The following RGS6 variants were observed in gnomAD, a reference collection of about 807,000 sequenced individuals.
RGS6 encodes regulator of G-protein signaling 6.
RGS6 carries 30 observed loss-of-function variants against 78.5 expected under a neutral mutation model. That is an observed-to-expected ratio of 0.38 (90% CI 0.29 to 0.52). The LOEUF is 0.52. Among genes scored for constraint, RGS6 ranks in the 20% least tolerant of loss-of-function variants. The pLI is 0.85. For synonymous variants in RGS6, 206 were observed against 206.0 expected (o/e 1.00, Z 0.00); for missense variants, 495 against 609.7 (o/e 0.81, Z 1.98).
chr14:72,200,252 C>T (rs1455847288), intron 2 of RGS6, among the ~76,000 whole-genome samples: 2 of 152,218 alleles, frequency 1.3e-5, no homozygotes, highest in South Asian at 2.1e-4. Context: ...ATTCAGGAGC[C>T]CCACCTGCCA....
intron 3 of RGS6, among the ~76,000 whole-genome samples, chr14:72,390,945 G>C (rs188289830): frequency 6.6e-6 from 1 of 152,274 alleles, no homozygotes; most frequent in Non-Finnish European, 1.5e-5. Flanking sequence ...CCACAGGTAA[G>C]CACCAGTCTA....
the RGS6 span, among the ~76,000 whole-genome samples, chr14:72,587,324 G>C: frequency 6.6e-6 from 1 of 152,062 alleles, no homozygotes; most frequent in Non-Finnish European, 1.5e-5. Flanking sequence ...GTGTGAGATG[G>C]CAGCCATATA....
At chr14:72,622,678 C>T in the RGS6 span, among the ~76,000 whole-genome samples, 76 of 152,134 alleles carry the variant, frequency 5.0e-4, 1 homozygote, top group African/African-American at 1.7e-3. Flanking sequence ...CCAAGAGCCC[C>T]CAGCTTATGC....
At chr14:72,430,795 TCCCAAATGCTGATCA>T (rs1205245234) in intron 3 of RGS6, among the ~76,000 whole-genome samples, 1 of 152,154 alleles carries the variant, frequency 6.6e-6, no homozygotes, top group Non-Finnish European at 1.5e-5. Flanking sequence ...TTATCTTGCC[TCCCAAATGCTGATCA>T]CCCATGGGCA....
intron 2 of RGS6, among the ~76,000 whole-genome samples, chr14:72,349,635 C>T (rs920156233): frequency 2.0e-5 from 3 of 151,394 alleles, no homozygotes; most frequent in Non-Finnish European, 4.4e-5. Flanking sequence ...TAGCTGTAAC[C>T]CCTGATGAGT....
intron 15 of RGS6, among the ~76,000 whole-genome samples, chr14:72,534,800 A>G (rs1016161750): frequency 1.3e-5 from 2 of 152,174 alleles, no homozygotes; most frequent in Non-Finnish European, 2.9e-5. Context: ...GCACCAAGGA[A>G]GAGGTCCTTA....
chr14:72,171,896 T>G (rs1162425261), intron 2 of RGS6, among the ~76,000 whole-genome samples: 3 of 152,178 alleles, frequency 2.0e-5, no homozygotes, highest in Non-Finnish European at 2.9e-5. Flanking sequence ...ACACAGAAAT[T>G]AAGTAACTTG....
intron 2 of RGS6, among the ~76,000 whole-genome samples, chr14:72,258,719 C>T (rs1003102356): frequency 4.1e-4 from 62 of 152,280 alleles, no homozygotes; most frequent in African/African-American, 1.4e-3. Flanking sequence ...GTCTGTTTCA[C>T]AGGGCTTGTT....
At chr14:72,108,592 G>A (rs2095684459) in intron 2 of RGS6, among the ~76,000 whole-genome samples, 1 of 151,714 alleles carries the variant, frequency 6.6e-6, no homozygotes, top group Non-Finnish European at 1.5e-5. Context: ...ATTCTTGAAG[G>A]CTTCTTATCT....
At chr14:72,023,602 G>A (rs555485065) in intron 2 of RGS6, among the ~76,000 whole-genome samples, 137 of 152,354 alleles carry the variant, frequency 9.0e-4, no homozygotes, top group African/African-American at 1.3e-3. Flanking sequence ...GAAAGAAGGC[G>A]GGGGAAGGAA....
At chr14:72,447,497 A>G (rs1045935883) in intron 3 of RGS6, among the ~76,000 whole-genome samples, 1 of 152,204 alleles carries the variant, frequency 6.6e-6, no homozygotes. Flanking sequence ...TTAAAAGCTG[A>G]TAAGTAACAC....
At chr14:72,427,263 CTCT>C (rs2094466151) in intron 3 of RGS6, among the ~76,000 whole-genome samples, 1 of 152,112 alleles carries the variant, frequency 6.6e-6, no homozygotes, top group Non-Finnish European at 1.5e-5. Context: ...TATGATTTTT[CTCT>C]TATTAGTTGT....
intron 2 of RGS6, among the ~76,000 whole-genome samples, chr14:72,037,432 A>G (rs2091874966): frequency 6.6e-6 from 1 of 152,206 alleles, no homozygotes; most frequent in Admixed American, 6.5e-5. Flanking sequence ...ACCAGAAGGA[A>G]GAAACTCTGG....
rs770133019 is a variant in RGS6, at chr14:72,547,307, G to A, written c.1422+7213G>A. ...GAGACCCAACTCTGCCTGTGGTCCA[G>A]ACTGGAAAGTTCAAAGAGAAGTCAG... On this transcript the variant is annotated intron_variant, in intron 17 of 17. Transcript: ENST00000553525. The A allele has an allele frequency of 1.6e-5, 24 of 1,535,494 alleles. No homozygotes were observed. The South Asian group carries it at 2.9e-4, about 18-fold the overall frequency.
the RGS6 span, chr14:72,594,822 C>T: frequency 3.3e-5 from 5 of 152,102 alleles, no homozygotes; most frequent in African/African-American, 4.8e-5. Context: ...GTTGCTTTCT[C>T]GGGTGAGGGA....
chr14:71,981,621 C>T (rs2094459699), intron 2 of RGS6, among the ~76,000 whole-genome samples: 6 of 152,024 alleles, frequency 3.9e-5, no homozygotes, highest in Middle Eastern at 3.4e-3. Flanking sequence ...CAGGGACCTA[C>T]TTGAGGAGGC....
intron 2 of RGS6, among the ~76,000 whole-genome samples, chr14:72,028,002 G>T (rs2090200222): frequency 6.6e-6 from 1 of 152,166 alleles, no homozygotes; most frequent in African/African-American, 2.4e-5. Context: ...TTCGTTTGGG[G>T]ACTGCCGCTG....
chr14:71,927,130 CA>C, the RGS6 span, among the ~76,000 whole-genome samples: 6 of 152,208 alleles, frequency 3.9e-5, no homozygotes, highest in Non-Finnish European at 7.3e-5. Context: ...TCGGTCCAAA[CA>C]ACTGGCATGA....
intron 2 of RGS6, among the ~76,000 whole-genome samples, chr14:72,347,150 A>G (rs1440015907): frequency 6.6e-6 from 1 of 152,196 alleles, no homozygotes; most frequent in Non-Finnish European, 1.5e-5. Flanking sequence ...CCCTAATGAC[A>G]CAGAACTTCA....
Sources: allele counts gnomAD v4.1 joint callset (sites outside exome capture counted in the v4.1 genomes callset), GRCh38; gene constraint gnomAD v4.1.1; transcripts MANE v1.5; gene names NCBI Gene and HGNC (gene_info 2026-07-23, HGNC 2026-07-21).